The following IGF1R variants were observed in gnomAD, a reference collection of about 807,000 sequenced individuals.
IGF1R encodes the protein insulin-like growth factor 1 receptor.
IGF1R carries 44 observed loss-of-function variants against 144.6 expected under a neutral mutation model. The observed-to-expected ratio is 0.30, with a 90% CI of 0.24 to 0.39. The LOEUF (loss-of-function observed/expected upper bound fraction) is 0.39, where lower values mean the gene tolerates loss of function less well. Among genes scored for constraint, IGF1R ranks in the 10% least tolerant of loss-of-function variants. The probability of loss-of-function intolerance (pLI) is 1.00; values close to 1 mark genes in which losing one functional copy is unlikely to be tolerated. For synonymous variants in IGF1R, 795 were observed against 722.8 expected (o/e 1.10, Z -1.60); for missense variants, 1,355 against 1,833.7 (o/e 0.74, Z 4.77).
chr15:98,650,496 C>G (rs1345985998), intron 1 of IGF1R, among the ~76,000 whole-genome samples: 1 of 152,246 alleles, frequency 6.6e-6, no homozygotes, highest in East Asian at 1.9e-4. Context: ...CTGGGATGGT[C>G]TCCCAGTTTC....
chr15:98,725,443 A>G (rs1284921123), intron 2 of IGF1R, among the ~76,000 whole-genome samples: 4 of 152,048 alleles, frequency 2.6e-5, no homozygotes, highest in Non-Finnish European at 5.9e-5. Flanking sequence ...GATCCCTCCT[A>G]TGTTTTGGAG....
intron 13 of IGF1R, among the ~76,000 whole-genome samples, chr15:98,925,732 C>T (rs1276040980): frequency 3.3e-5 from 5 of 152,284 alleles, no homozygotes; most frequent in African/African-American, 7.2e-5. Context: ...GGTGAAACCC[C>T]GTCTCTACTA....
At chr15:98,708,187 T>G in intron 2 of IGF1R, 80 bp downstream of exon 2, 5 of 1,247,312 alleles carry the variant, frequency 4.0e-6, no homozygotes, top group Middle Eastern at 2.6e-4. Context: ...CTCTTCTGAG[T>G]GCACGAGTTC....
intron 1 of IGF1R, among the ~76,000 whole-genome samples, chr15:98,693,004 C>G (rs932052736): frequency 6.6e-6 from 1 of 152,152 alleles, no homozygotes; most frequent in African/African-American, 2.4e-5. Context: ...GTCCCTTTGT[C>G]CCGTGTTCCA....
chr15:98,890,364 G>C (rs2013845390), intron 2 of IGF1R: 1 of 152,236 alleles, frequency 6.6e-6, no homozygotes. Flanking sequence ...ATGGTAACGA[G>C]AGTGACCTGT....
intron 18 of IGF1R, among the ~76,000 whole-genome samples, chr15:98,940,650 G>A (rs2016330507): frequency 1.3e-5 from 2 of 151,860 alleles, no homozygotes; most frequent in African/African-American, 2.4e-5. Context: ...GGTGATCCAC[G>A]CACCTCGGCC....
At chr15:98,764,203 G>A (rs541414459) in intron 2 of IGF1R, among the ~76,000 whole-genome samples, 2 of 152,228 alleles carry the variant, frequency 1.3e-5, no homozygotes, top group South Asian at 2.1e-4. Context: ...TGAAGCTTTC[G>A]TGTCTTTACT....
chr15:98,784,780 A>G (rs1484816442), intron 2 of IGF1R, among the ~76,000 whole-genome samples: 2 of 152,210 alleles, frequency 1.3e-5, no homozygotes, highest in Non-Finnish European at 1.5e-5. Context: ...AACTTTTTAT[A>G]CAGCATTTGT....
At chr15:98,733,302 C>T (rs1051736589) in intron 2 of IGF1R, among the ~76,000 whole-genome samples, 2 of 152,064 alleles carry the variant, frequency 1.3e-5, no homozygotes, top group African/African-American at 4.8e-5. Context: ...GCAGCCTCAG[C>T]CTCCTGCCTC....
At position 98,786,772 on chromosome 15, in the gene IGF1R, G is replaced by A. The variant is rs74034205; in HGVS notation, c.640+78665G>A. ...TGCTCTGGCCAATAACTGGGCCAGT[G>A]TCTGGTCACAAGATGATCAGGCAGG... On this transcript the variant is annotated intron_variant, in intron 2 of 20. Coordinates refer to ENST00000650285, the MANE Select transcript of IGF1R (RefSeq NM_000875.5). Among the ~76,000 whole-genome samples the A allele has an allele frequency of 8.8e-3, 1,334 of 152,278 alleles. 29 individuals carry two copies. Among genetic ancestry groups the A allele is most frequent in the African/African-American group, 0.031 (1,294 of 41,546 alleles).
intron 18 of IGF1R, among the ~76,000 whole-genome samples, chr15:98,942,220 T>C (rs2016390264): frequency 6.6e-6 from 1 of 152,242 alleles, no homozygotes; most frequent in East Asian, 1.9e-4. Flanking sequence ...TAAGCATCTG[T>C]ACTCTCCTGT....
intron 2 of IGF1R, among the ~76,000 whole-genome samples, chr15:98,753,850 A>G (rs906932502): frequency 2.0e-5 from 3 of 152,214 alleles, no homozygotes; most frequent in Admixed American, 6.5e-5. Context: ...AGTTCCTTCT[A>G]TAACAGAGAA....
At chr15:98,842,559 T>C (rs764176418) in intron 2 of IGF1R, among the ~76,000 whole-genome samples, 14 of 152,230 alleles carry the variant, frequency 9.2e-5, no homozygotes, top group Non-Finnish European at 1.9e-4. Context: ...TTAACAATTT[T>C]TGAGGTTTTT....
intron 1 of IGF1R, among the ~76,000 whole-genome samples, chr15:98,694,084 A>C (rs2053542163): frequency 1.3e-5 from 2 of 152,138 alleles, no homozygotes; most frequent in African/African-American, 4.8e-5. Context: ...GGTAGCAAGG[A>C]GCATTTACAT....
chr15:98,851,434 A>G (rs2011524390), intron 2 of IGF1R, among the ~76,000 whole-genome samples: 1 of 152,178 alleles, frequency 6.6e-6, no homozygotes, highest in Non-Finnish European at 1.5e-5. Context: ...CGAAGCACCA[A>G]AGAGCACATA....
At position 98,957,760 on chromosome 15, in the gene IGF1R, G is replaced by A. The variant is rs1312350457; in HGVS notation, c.*318G>A. 18 of 433,974 alleles carry A rather than the reference G, an allele frequency of 4.1e-5. No individual in the cohort carries two copies. Among genetic ancestry groups the A allele is most frequent in the Non-Finnish European group, 7.1e-5 (17 of 240,640 alleles). The allele number at this position is 433,974 out of a possible 1,614,324, so 26.9% of individuals were successfully genotyped here. A position where few individuals can be genotyped will look rare whatever the true frequency, so the allele number is the denominator to read the frequency against. On this transcript the variant is annotated 3_prime_UTR_variant, in exon 21 of 21. Coordinates refer to ENST00000650285, the MANE Select transcript of IGF1R (RefSeq NM_000875.5). ...CCTCACTCTGTCCCTGTCCTTCCCT[G>A]TTCTCCCTTTCTCTCTCCTCTCTGC...
In IGF1R at chr15:98,688,886, C is replaced by G. The variant is rs138150456; in HGVS notation, c.95-18676C>G. 4.1e-4 allele frequency among the ~76,000 whole-genome samples: 63 copies of G among 152,208 alleles called. 2 individuals are homozygous for G. In the East Asian group the frequency reaches 0.011, roughly 26 times the overall value. ...AAACCTTGATTAATCTTGGAAGCCT[C>G]TTTTTACGCAGTACGCTTTGATTCA... On this transcript the variant is annotated intron_variant, in intron 1 of 20. Coordinates refer to ENST00000650285, the MANE Select transcript of IGF1R (RefSeq NM_000875.5).
chr15:98,961,834 G>T lies in IGF1R; in HGVS notation c.*4392G>T, dbSNP rs547247976. On this transcript the variant is annotated 3_prime_UTR_variant, in exon 21 of 21. Transcript: ENST00000650285. ...CCTCCTCCTTGGAAGATGGAAGACC[G>T]TGTTCGTGGCCGACCTGGCCTCTCC... The T allele has an allele frequency of 4.3e-6, 1 of 233,314 alleles. No individual in the cohort carries two copies. The highest frequency in any genetic ancestry group is 8.5e-6 in the Non-Finnish European group (1 of 118,058). 14.5% of individuals were successfully genotyped at this position (233,314 alleles called of 1,614,324 possible).
intron 1 of IGF1R, among the ~76,000 whole-genome samples, chr15:98,692,625 A>G (rs2053503692): frequency 6.6e-6 from 1 of 152,194 alleles, no homozygotes; most frequent in South Asian, 2.1e-4. Context: ...ACATTTGGAA[A>G]CTGTTTAGTA....
Sources: gnomAD v4.1 joint callset for allele counts (sites outside exome capture counted in the v4.1 genomes callset) on GRCh38, gnomAD v4.1.1 for gene constraint, MANE v1.5 for transcripts, NCBI Gene and HGNC (gene_info 2026-07-23, HGNC 2026-07-21) for gene names.